ADSS2: variants seen among roughly 807,000 people sequenced by gnomAD.
ADSS2 encodes the protein adenylosuccinate synthetase isozyme 2.
In ADSS2, 30 loss-of-function variants were observed where a neutral mutation model predicts 60.0. That is an observed-to-expected ratio of 0.50 (90% CI 0.37 to 0.68). The LOEUF is 0.68. Ranked by LOEUF, ADSS2 falls within the 30% of genes least tolerant of loss-of-function variation. The probability of loss-of-function intolerance (pLI) is 0.00; values close to 1 mark genes in which losing one functional copy is unlikely to be tolerated. For missense variants in ADSS2, 373 were observed against 554.8 expected, an observed-to-expected ratio of 0.67 and a Z score of 3.29; for synonymous variants, 187 against 193.1, an observed-to-expected ratio of 0.97 and a Z score of 0.26.
intron 4 of ADSS2, among the ~76,000 whole-genome samples, chr1:244,431,292 A>G (rs1404073277): frequency 6.6e-6 from 1 of 152,194 alleles, no homozygotes; most frequent in African/African-American, 2.4e-5. Flanking sequence ...CTGAAAACCA[A>G]AACAAAACCC....
intron 1 of ADSS2, among the ~76,000 whole-genome samples, chr1:244,447,160 C>T (rs1205747231): frequency 6.6e-6 from 1 of 152,166 alleles, no homozygotes; most frequent in Non-Finnish European, 1.5e-5. Context: ...ACAATAGTCA[C>T]CAATTTTAAT....
chr1:244,441,280 G>C (rs375601854), intron 1 of ADSS2, among the ~76,000 whole-genome samples: 11 of 151,938 alleles, frequency 7.2e-5, no homozygotes, highest in African/African-American at 1.5e-4. Context: ...GGATGGTCTC[G>C]ATCTCCTGAC....
chr1:244,415,120 G>T (rs1572128844), intron 11 of ADSS2, among the ~76,000 whole-genome samples: 1 of 152,220 alleles, frequency 6.6e-6, no homozygotes, highest in South Asian at 2.1e-4. Context: ...TTAATTAAAA[G>T]AATTTGCTGT....
rs772501063 is a variant in ADSS2 at position 244,411,266 on chromosome 1, T to G, written c.1318+21A>C. On this transcript the variant is annotated intron_variant, in intron 12 of 12. Transcript: ENST00000366535. ...GAGAGAGAGAAAAGAAAAAACTTAT[T>G]CACAAAGTGTTTATGTTTACCTGGA... 6 of 1,579,894 alleles carry G rather than the reference T, an allele frequency of 3.8e-6. No individual in the cohort carries two copies. In the East Asian group the frequency reaches 1.3e-4, roughly 35 times the overall value.
At chr1:244,429,432 G>A (rs1441043199) in intron 4 of ADSS2, among the ~76,000 whole-genome samples, 1 of 152,194 alleles carries the variant, frequency 6.6e-6, no homozygotes, top group Admixed American at 6.5e-5. Flanking sequence ...TTACAATGGA[G>A]CTTACAGAAC....
At chr1:244,414,823 C>T (rs571998708) in intron 11 of ADSS2, among the ~76,000 whole-genome samples, 11 of 152,340 alleles carry the variant, frequency 7.2e-5, no homozygotes, top group South Asian at 2.1e-4. Context: ...GCTCTTATTT[C>T]GTGGCTAGTT....
chr1:244,434,331 C>T (rs1392133364), intron 3 of ADSS2, among the ~76,000 whole-genome samples: 1 of 150,994 alleles, frequency 6.6e-6, no homozygotes, highest in African/African-American at 2.4e-5. Flanking sequence ...CCAGCATAGA[C>T]GACAGAGCAA....
intron 10 of ADSS2, 42 bp from the exon 11 acceptor site, chr1:244,416,120 T>A (rs1388147915): frequency 7.5e-7 from 1 of 1,338,864 alleles, no homozygotes; most frequent in African/African-American, 1.5e-5. Flanking sequence ...AGCAGACTCT[T>A]AAAGCCTCTA....
chr1:244,432,108 G>C (rs1441046922), intron 4 of ADSS2, among the ~76,000 whole-genome samples: 2 of 152,162 alleles, frequency 1.3e-5, no homozygotes. Flanking sequence ...AAATTTATTG[G>C]TAGTGGTTGA....
At chr1:244,424,211 TA>T in intron 5 of ADSS2, 109 bp downstream of exon 5, 1 of 1,259,418 alleles carries the variant, frequency 7.9e-7, no homozygotes, top group Non-Finnish European at 1.1e-6. Context: ...TGATTTTCTC[TA>T]AAACAGGATA....
intron 7 of ADSS2, 45 bp downstream of exon 7, chr1:244,422,790 C>T (rs140299584): frequency 4.1e-6 from 6 of 1,448,278 alleles, no homozygotes; most frequent in African/African-American, 1.4e-5. Context: ...GCCAATTTGG[C>T]AAACAAGTAT....
intron 1 of ADSS2, among the ~76,000 whole-genome samples, chr1:244,443,195 A>C (rs1665291316): frequency 6.6e-6 from 1 of 152,224 alleles, no homozygotes; most frequent in Non-Finnish European, 1.5e-5. Context: ...ACGGAAACAT[A>C]CAATTTCCTT....
At chr1:244,449,444 C>T (rs1381305058) in intron 1 of ADSS2, among the ~76,000 whole-genome samples, 1 of 152,156 alleles carries the variant, frequency 6.6e-6, no homozygotes, top group Non-Finnish European at 1.5e-5. Context: ...ACAAGGCAAT[C>T]CAAGCTCACA....
At chr1:244,450,745 G>C (rs974200264) in intron 1 of ADSS2, among the ~76,000 whole-genome samples, 2 of 152,106 alleles carry the variant, frequency 1.3e-5, no homozygotes, top group Non-Finnish European at 2.9e-5. Flanking sequence ...TGCGTCAAAG[G>C]AAACGACAAA....
intron 4 of ADSS2, among the ~76,000 whole-genome samples, chr1:244,426,344 G>C (rs575325030): frequency 4.6e-5 from 7 of 152,262 alleles, no homozygotes; most frequent in African/African-American, 1.7e-4. Flanking sequence ...ATATTTTTCA[G>C]AAATTAATTT....
At position 244,451,567 on chromosome 1, in the gene ADSS2, C is replaced by T. The variant is rs1167749366; in HGVS notation, c.183+68G>A. Reference sequence around the variant, plus strand: ...GATCCGGGTTCTGGGTCCGAGTTCCCGGGCACCAGGAGCCAGGCAGCCCGA... The same window carrying T: ...GATCCGGGTTCTGGGTCCGAGTTCCTGGGCACCAGGAGCCAGGCAGCCCGA... On this transcript the variant is annotated intron_variant, in intron 1 of 12. Coordinates refer to ENST00000366535, the MANE Select transcript of ADSS2 (RefSeq NM_001126.5). This position sits in a 1 kb window ranked among gnomAD's most constrained non-coding sequence, Gnocchi z 6.6. 2 of 1,498,004 alleles carry T rather than the reference C, an allele frequency of 1.3e-6. No individual in the cohort carries two copies. Among genetic ancestry groups the T allele is most frequent in the Non-Finnish European group, 1.8e-6 (2 of 1,121,362 alleles). The allele number at this position is 1,498,004 out of a possible 1,614,324, so 92.8% of individuals were successfully genotyped here. A position where few individuals can be genotyped will look rare whatever the true frequency, so the allele number is the denominator to read the frequency against.
At chr1:244,444,528 A>AAAAAAAAAAAAAAAAAAC (rs1402511091) in intron 1 of ADSS2, among the ~76,000 whole-genome samples, 1 of 144,630 alleles carries the variant, frequency 6.9e-6, no homozygotes, top group Non-Finnish European at 1.5e-5. Context: ...AAAAAAAAAA[A>AAAAAAAAAAAAAAAAAAC]AAAAAAAAGA....
chr1:244,449,660 TA>T (rs534811038), intron 1 of ADSS2, among the ~76,000 whole-genome samples: 26 of 152,300 alleles, frequency 1.7e-4, no homozygotes, highest in Middle Eastern at 3.4e-3. Flanking sequence ...ACAAGACTAA[TA>T]AAGAATCCTA....
intron 4 of ADSS2, among the ~76,000 whole-genome samples, chr1:244,430,165 T>C (rs1256892311): frequency 6.6e-6 from 1 of 152,210 alleles, no homozygotes; most frequent in East Asian, 1.9e-4. Flanking sequence ...TTTACATTTA[T>C]TATGGTTAAA....
Sources: gnomAD v4.1 joint callset for allele counts (sites outside exome capture counted in the v4.1 genomes callset) on GRCh38, gnomAD v4.1.1 for gene constraint, Gnocchi (gnomAD v3.1) non-coding constraint, MANE v1.5 for transcripts, NCBI Gene and HGNC (gene_info 2026-07-23, HGNC 2026-07-21) for gene names.